UTRN: variants seen among roughly 807,000 people sequenced by gnomAD.
The protein encoded by UTRN is dystrophin-related protein 1.
A neutral mutation model predicts 463.9 loss-of-function variants in UTRN; 283 were observed. That is an observed-to-expected ratio of 0.61 (90% confidence interval 0.55 to 0.67). The LOEUF (loss-of-function observed/expected upper bound fraction) is 0.67. UTRN is among the 30% of genes least tolerant of loss of function. UTRN has a pLI of 0.00. For missense variants in UTRN, 3,922 were observed against 4,084.3 expected, an observed-to-expected ratio of 0.96 and a Z score of 1.08; for synonymous variants, 1,442 against 1,431.5, an observed-to-expected ratio of 1.01 and a Z score of -0.17.
intron 47 of UTRN, among the ~76,000 whole-genome samples, chr6:144,550,224 G>C (rs893296466): frequency 6.6e-6 from 1 of 152,230 alleles, no homozygotes; most frequent in African/African-American, 2.4e-5. Flanking sequence ...ATTTAGGATT[G>C]AAAGTTGTGA....
chr6:144,836,175 C>T lies in UTRN; in HGVS notation c.9825-126C>T. The T allele has an allele frequency of 2.1e-6, 3 of 1,429,694 alleles. No homozygotes were observed. The South Asian group carries it at 4.1e-5, about 19-fold the overall frequency. 88.6% of individuals were successfully genotyped at this position (1,429,694 alleles called of 1,614,324 possible). Reference sequence around the variant, plus strand: ...TACAATTTTATTCCTGCATGCTCATCCTGCTATTAATACACATTTTTATAT... The same window carrying T: ...TACAATTTTATTCCTGCATGCTCATTCTGCTATTAATACACATTTTTATAT... On this transcript the variant is annotated intron_variant, in intron 70 of 74. Coordinates refer to ENST00000367545, the MANE Select transcript of UTRN (RefSeq NM_007124.3).
At chr6:144,528,951 C>A (rs913751488) in intron 41 of UTRN, among the ~76,000 whole-genome samples, 2 of 152,220 alleles carry the variant, frequency 1.3e-5, no homozygotes, top group Non-Finnish European at 2.9e-5. Flanking sequence ...GAGTCAGACT[C>A]TCCTTGTGCA....
intron 51 of UTRN, among the ~76,000 whole-genome samples, chr6:144,645,326 G>T (rs7742856): frequency 2.6e-5 from 4 of 152,098 alleles, no homozygotes; most frequent in Admixed American, 1.3e-4. Flanking sequence ...CAATAGAATT[G>T]TATCTTTTAA....
intron 60 of UTRN, among the ~76,000 whole-genome samples, chr6:144,781,200 G>A (rs4499950): frequency 0.12 from 18,018 of 152,132 alleles, 3,012 homozygotes; most frequent in African/African-American, 0.38. Flanking sequence ...GGATGTGGGG[G>A]CTGTCTAGTA....
At chr6:144,755,288 T>G (rs1791865220) in intron 57 of UTRN, among the ~76,000 whole-genome samples, 1 of 152,182 alleles carries the variant, frequency 6.6e-6, no homozygotes, top group Non-Finnish European at 1.5e-5. Flanking sequence ...TTTCTGCTAT[T>G]CGAGTATTGC....
intron 50 of UTRN, among the ~76,000 whole-genome samples, chr6:144,571,033 AAAG>A (rs1198730428): frequency 1.3e-5 from 2 of 152,176 alleles, no homozygotes; most frequent in African/African-American, 4.8e-5. Flanking sequence ...AAATAATAAA[AAAG>A]AATTCTGATT....
chr6:144,771,832 G>T, intron 58 of UTRN, 75 bp from the exon 59 acceptor site: 1 of 1,164,824 alleles, frequency 8.6e-7, no homozygotes, highest in Non-Finnish European at 1.2e-6. Flanking sequence ...ATTTCTACTT[G>T]GGTATTTCGT....
intron 51 of UTRN, among the ~76,000 whole-genome samples, chr6:144,674,622 C>T (rs1781406744): frequency 6.6e-6 from 1 of 151,924 alleles, no homozygotes; most frequent in East Asian, 1.9e-4. Flanking sequence ...AGTGGTGTGA[C>T]CTTGGCCCAC....
At chr6:144,836,744 T>A in intron 71 of UTRN, 2 of 757,220 alleles carry the variant, frequency 2.6e-6, no homozygotes, top group Non-Finnish European at 2.0e-6. Flanking sequence ...TTTGCCCAGC[T>A]TACAATGGAA....
chr6:144,324,201 G>T (rs1204795611), intron 2 of UTRN, among the ~76,000 whole-genome samples: 1 of 151,884 alleles, frequency 6.6e-6, no homozygotes, highest in Non-Finnish European at 1.5e-5. Context: ...ATTTATTTTG[G>T]CATACATTTT....
intron 52 of UTRN, among the ~76,000 whole-genome samples, chr6:144,689,460 T>A (rs1783096106): frequency 6.6e-6 from 1 of 152,230 alleles, no homozygotes; most frequent in African/African-American, 2.4e-5. Flanking sequence ...TTCATTCTTT[T>A]GTCATTCTTT....
At chr6:144,421,747 T>G (rs1159837843) in intron 3 of UTRN, 131 bp from the exon 4 acceptor site, 2 of 416,074 alleles carry the variant, frequency 4.8e-6, no homozygotes, top group African/African-American at 4.1e-5. Flanking sequence ...AAGACAAATT[T>G]GGATAGTCTG....
chr6:144,543,205 A>C (rs1273271100), intron 46 of UTRN, among the ~76,000 whole-genome samples: 3 of 152,188 alleles, frequency 2.0e-5, no homozygotes, highest in African/African-American at 7.2e-5. Flanking sequence ...GCTTTTCAGG[A>C]AATCAGCTAT....
chr6:144,534,141 A>G (rs1230166835), intron 43 of UTRN, among the ~76,000 whole-genome samples: 2 of 152,218 alleles, frequency 1.3e-5, no homozygotes, highest in Non-Finnish European at 2.9e-5. Flanking sequence ...TGTGACCTAC[A>G]GTTGCTTTTC....
chr6:144,791,506 G>C (rs1434771133), intron 62 of UTRN, among the ~76,000 whole-genome samples: 1 of 151,744 alleles, frequency 6.6e-6, no homozygotes, highest in Admixed American at 6.6e-5. Flanking sequence ...CCAGGAATCG[G>C]AGGCTGCAAT....
In UTRN at chr6:144,306,027, C is replaced by T. The variant is rs144178429; in HGVS notation, c.79+14120C>T. Among the ~76,000 whole-genome samples the T allele has an allele frequency of 1.6e-4, 25 of 152,276 alleles. 1 individual carries two copies. In the East Asian group the frequency reaches 3.9e-3, roughly 23 times the overall value. On this transcript the variant is annotated intron_variant, in intron 2 of 74. Transcript: ENST00000367545. ...TCCAATTTCTAGGAGCAGTATTCAC[C>T]GAACTACTTCCCTGACACATACATA...
At chr6:144,620,428 C>A (rs9497022) in intron 51 of UTRN, among the ~76,000 whole-genome samples, 1 of 148,266 alleles carries the variant, frequency 6.7e-6, no homozygotes, top group Admixed American at 6.7e-5. Context: ...TTTCTTATTT[C>A]AAAAAATCAC....
chr6:144,771,737 G>A (rs1794045400), intron 58 of UTRN, among the ~76,000 whole-genome samples, 170 bp from the exon 59 acceptor site: 1 of 151,902 alleles, frequency 6.6e-6, no homozygotes, highest in Non-Finnish European at 1.5e-5. Flanking sequence ...TGTTTCAAAT[G>A]TTAAGTAACA....
chr6:144,448,737 A>G lies in UTRN; in HGVS notation c.2040A>G (p.Arg680=). 1 of 1,614,030 alleles carries G rather than the reference A, an allele frequency of 6.2e-7. No homozygotes were observed. Among genetic ancestry groups the G allele is most frequent in the Non-Finnish European group, 8.5e-7 (1 of 1,179,932 alleles). The change falls in exon 17 of 75, where the codon AGA becomes AGG. Residue 680 remains arginine, a synonymous_variant. Coordinates refer to ENST00000367545, the MANE Select transcript of UTRN (RefSeq NM_007124.3). ...CTCCTCCTCCTCCCCCAAAGAAGAG[A>G]CAGATCCATGTGGATATTGAAGCTA... ...ELPPPPPPKK[R]QIHVDIEAKK...
Sources: allele counts gnomAD v4.1 joint callset (sites outside exome capture counted in the v4.1 genomes callset), GRCh38; gene constraint gnomAD v4.1.1; transcripts MANE v1.5; gene names NCBI Gene and HGNC (gene_info 2026-07-23, HGNC 2026-07-21).